MFSD2B: variants seen among roughly 807,000 people sequenced by gnomAD.
The protein encoded by MFSD2B is sphingosine-1-phosphate transporter MFSD2B.
Under a neutral mutation model 58.4 loss-of-function variants are expected in MFSD2B, and 56 were observed. The ratio of observed to expected loss-of-function variants is 0.96; its 90% CI spans 0.77 to 1.20. The LOEUF (loss-of-function observed/expected upper bound fraction) is 1.20, where lower values mean the gene tolerates loss of function less well. Ranked by LOEUF, MFSD2B falls within the 50% of genes most tolerant of loss-of-function variation. MFSD2B has a pLI of 0.00. For missense variants in MFSD2B, 645 were observed against 667.6 expected (o/e 0.97, Z 0.37); for synonymous variants, 287 against 294.4 (o/e 0.97, Z 0.26).
intron 6 of MFSD2B, among the ~76,000 whole-genome samples, chr2:24,019,810 C>T (rs1026732145): frequency 3.3e-5 from 5 of 152,232 alleles, no homozygotes; most frequent in African/African-American, 1.2e-4. Context: ...CAGCCTCCAG[C>T]ACTGGCACCC....
Position 24,023,673 on chromosome 2 carries a change from C to A in MFSD2B, c.1260C>A (p.Phe420Leu). 1 of 1,613,972 alleles carries A rather than the reference C, an allele frequency of 6.2e-7. No individual in the cohort carries two copies. Among genetic ancestry groups the A allele is most frequent in the South Asian group, 1.1e-5 (1 of 91,084 alleles). ...CCATCTTCTACTCCTCCTACGTCTT[C>A]TTCACCAAGCTGTCTGGCGCATGTG... ...LETIFYSSYV[F>L]FTKLSGACAL... Residue 420 changes from phenylalanine to leucine, a missense_variant, in exon 12 of 14, where the codon TTC becomes TTA. By Grantham distance (22) the Phe-to-Leu change is conservative (BLOSUM62 0). Coordinates refer to ENST00000338315, the MANE Select transcript of MFSD2B (RefSeq NM_001346880.2). The surrounding 1 kb of genome is among the most constrained non-coding windows in gnomAD (Gnocchi z 5.0).
Position 24,023,409 on chromosome 2 carries a change from CGGCAGGGGGCT to C in MFSD2B, c.1170-170_1170-160del. 2 of 903,034 alleles carry C rather than the reference CGGCAGGGGGCT, an allele frequency of 2.2e-6. No homozygotes were observed. Among genetic ancestry groups the C allele is most frequent in the South Asian group, 3.2e-5 (2 of 62,644 alleles). 55.9% of individuals were successfully genotyped at this position (903,034 alleles called of 1,614,324 possible). A position where few individuals can be genotyped will look rare whatever the true frequency, so the allele number is the denominator to read the frequency against. On this transcript the variant is annotated intron_variant, in intron 11 of 13. Coordinates refer to ENST00000338315, the MANE Select transcript of MFSD2B (RefSeq NM_001346880.2). This position sits in a 1 kb window ranked among gnomAD's most constrained non-coding sequence, Gnocchi z 5.0. ...TCAGGCAGTAGGAATGGCGGGGGGC[CGGCAGGGGGCT>C]GGCGGGGGGTACGAGCACACAGGCC...
At position 24,025,595 on chromosome 2, in the gene MFSD2B, T is replaced by C. The variant is rs1393009442; in HGVS notation, c.*139T>C. ...CTGGGATGTGGAGTCTTCGGCAACG[T>C]GTCCTGAAGGGACTGGCCCGCACTC... On this transcript the variant is annotated 3_prime_UTR_variant, in exon 14 of 14. Coordinates refer to ENST00000338315, the MANE Select transcript of MFSD2B (RefSeq NM_001346880.2). 13 of 775,232 alleles carry C rather than the reference T, an allele frequency of 1.7e-5. No homozygotes were observed. The highest frequency in any genetic ancestry group is 2.8e-5 in the Non-Finnish European group (13 of 466,202). 48.0% of individuals were successfully genotyped at this position (775,232 alleles called of 1,614,324 possible). A position where few individuals can be genotyped will look rare whatever the true frequency, so the allele number is the denominator to read the frequency against.
chr2:24,016,290 C>A lies in MFSD2B; in HGVS notation c.347+10C>A. On this transcript the variant is annotated intron_variant, in intron 3 of 13. Transcript: ENST00000338315. ...GACGGCTCATGCCTTGGTGAGCAAC[C>A]GCTCAGTCCTTAGGATCCAGGCACC... The A allele has an allele frequency of 6.2e-7, 1 of 1,612,348 alleles. No homozygotes were observed. Among genetic ancestry groups the A allele is most frequent in the South Asian group, 1.1e-5 (1 of 90,736 alleles).
intron 6 of MFSD2B, chr2:24,018,364 C>T: frequency 5.7e-6 from 1 of 175,892 alleles, no homozygotes; most frequent in Middle Eastern, 2.2e-3. Context: ...TCCTTGCCTT[C>T]TGCCACCTCC....
chr2:24,011,608 A>C (rs1708955935), intron 1 of MFSD2B, among the ~76,000 whole-genome samples: 1 of 152,204 alleles, frequency 6.6e-6, no homozygotes, highest in South Asian at 2.1e-4. Flanking sequence ...GCAAACGATG[A>C]GAAAAGAGCC....
At position 24,024,685 on chromosome 2, in the gene MFSD2B, G is replaced by A. The variant is rs1662917026; in HGVS notation, c.1490+414G>A. Among the ~76,000 whole-genome samples the A allele has an allele frequency of 6.6e-6, 1 of 152,052 alleles. No individual in the cohort carries two copies. The highest frequency in any genetic ancestry group is 1.5e-5 in the Non-Finnish European group (1 of 68,006). On this transcript the variant is annotated intron_variant, in intron 13 of 13. Coordinates refer to ENST00000338315, the MANE Select transcript of MFSD2B (RefSeq NM_001346880.2). The surrounding 1 kb of genome is among the most constrained non-coding windows in gnomAD (Gnocchi z 4.3). ...GACATTTCCACCTAGTAGCCCACAA[G>A]CCTGGCACTCAGTCTCGATGAGCCT...
rs1309634005 is a variant in MFSD2B, at chr2:24,017,255, G to A, written c.472-31G>A. 13 of 1,565,140 alleles carry A rather than the reference G, an allele frequency of 8.3e-6. No homozygotes were observed. Among genetic ancestry groups the A allele is most frequent in the African/African-American group, 6.8e-5 (5 of 73,614 alleles). On this transcript the variant is annotated intron_variant, in intron 4 of 13. Transcript: ENST00000338315. The surrounding 1 kb of genome is among the most constrained non-coding windows in gnomAD (Gnocchi z 4.8). ...CGCCCGCTGTCACCAGGCAAAGCTG[G>A]GGGCGGTTCTAAGCTCTGCCGACGC...
In MFSD2B at chr2:24,017,233, C is replaced by T; in HGVS notation, c.472-53C>T. ...TGACACCCAGGATGGGGGAGGTCGC[C>T]CGCTGTCACCAGGCAAAGCTGGGGG... On this transcript the variant is annotated intron_variant, in intron 4 of 13. Coordinates refer to ENST00000338315, the MANE Select transcript of MFSD2B (RefSeq NM_001346880.2). The surrounding 1 kb of genome is among the most constrained non-coding windows in gnomAD (Gnocchi z 4.8). 1 of 1,533,512 alleles carries T rather than the reference C, an allele frequency of 6.5e-7. No individual in the cohort carries two copies. Among genetic ancestry groups the T allele is most frequent in the Non-Finnish European group, 8.8e-7 (1 of 1,133,286 alleles). 95.0% of individuals were successfully genotyped at this position (1,533,512 alleles called of 1,614,324 possible).
rs1662717537 is a variant in MFSD2B, at chr2:24,020,206, G to A, written c.682-1442G>A. On this transcript the variant is annotated intron_variant, in intron 6 of 13. Transcript: ENST00000338315. The surrounding 1 kb of genome is among the most constrained non-coding windows in gnomAD (Gnocchi z 4.1). ...AAGTATCAAGGAGTGGGGAGCAGGA[G>A]GCTGAGAACCCATGCCCAGGGGGCA... Among the ~76,000 whole-genome samples, 1 of 152,206 alleles carries A rather than the reference G, an allele frequency of 6.6e-6. No homozygotes were observed. Among genetic ancestry groups the A allele is most frequent in the Non-Finnish European group, 1.5e-5 (1 of 68,026 alleles).
Position 24,023,076 on chromosome 2 carries a change from G to C in MFSD2B, c.1060-54G>C, listed in dbSNP as rs954330254. ...CGTCAGTCGAGTCGTGTGTGAAGGA[G>C]CAGGCCCCACGAAGAAGCAGGTGGC... On this transcript the variant is annotated intron_variant, in intron 10 of 13. Coordinates refer to ENST00000338315, the MANE Select transcript of MFSD2B (RefSeq NM_001346880.2). This position sits in a 1 kb window ranked among gnomAD's most constrained non-coding sequence, Gnocchi z 5.0. 8.1e-6 allele frequency: 12 copies of C among 1,477,790 alleles called. No homozygotes were observed. In the African/African-American group the frequency reaches 1.4e-4, roughly 17 times the overall value. 91.5% of individuals were successfully genotyped at this position (1,477,790 alleles called of 1,614,324 possible).
rs926232285 is a variant in MFSD2B, at chr2:24,017,193, G to A, written c.472-93G>A. On this transcript the variant is annotated intron_variant, in intron 4 of 13. Coordinates refer to ENST00000338315, the MANE Select transcript of MFSD2B (RefSeq NM_001346880.2). This position sits in a 1 kb window ranked among gnomAD's most constrained non-coding sequence, Gnocchi z 4.8. ...CAGCTGGGATATGTCACGTTGGCCT[G>A]TGGGTGTCGGGATGTGACACCCAGG... 1.4e-5 allele frequency: 19 copies of A among 1,368,772 alleles called. No individual in the cohort carries two copies. In the African/African-American group the frequency reaches 2.7e-4, roughly 20 times the overall value. 84.8% of individuals were successfully genotyped at this position (1,368,772 alleles called of 1,614,324 possible).
Position 24,025,673 on chromosome 2 carries a change from G to T in MFSD2B, c.*217G>T, listed in dbSNP as rs545769344. On this transcript the variant is annotated 3_prime_UTR_variant, in exon 14 of 14. Coordinates refer to ENST00000338315, the MANE Select transcript of MFSD2B (RefSeq NM_001346880.2). The stretch of plus-strand genomic sequence containing the variant: ...GTTGCCTTCAGACTATCTCAGATAG[G>T]CCTGTGCCCCTGACTAGCCCAGTAG... 300 of 566,146 alleles carry T rather than the reference G, an allele frequency of 5.3e-4. 1 individual carries two copies. In the Middle Eastern group the frequency reaches 9.6e-3, roughly 18 times the overall value. The allele number at this position is 566,146 out of a possible 1,614,324, so 35.1% of individuals were successfully genotyped here.
At chr2:24,015,509 G>C (rs773941874) in intron 2 of MFSD2B, among the ~76,000 whole-genome samples, 4 of 152,110 alleles carry the variant, frequency 2.6e-5, no homozygotes, top group Non-Finnish European at 5.9e-5. Flanking sequence ...TAAGATGACA[G>C]TCTGATATGA....
Position 24,023,207 on chromosome 2 carries a change from C to A in MFSD2B, c.1137C>A (p.Gly379=), listed in dbSNP as rs770595175. ...PVAYVVAFVS[G]VSIAVSLLLP... is the part of the protein sequence containing the mutation. ...CATATGTCGTGGCCTTTGTATCTGG[C>A]GTGAGCATTGCTGTGTCCTTGCTGC... Residue 379 remains glycine, a synonymous_variant, in exon 11 of 14, where the codon GGC becomes GGA. Transcript: ENST00000338315. This position sits in a 1 kb window ranked among gnomAD's most constrained non-coding sequence, Gnocchi z 5.0. 2.1e-5 allele frequency: 34 copies of A among 1,613,496 alleles called. No homozygotes were observed. Among genetic ancestry groups the A allele is most frequent in the Non-Finnish European group, 2.7e-5 (32 of 1,179,830 alleles).
In MFSD2B at chr2:24,016,210, G is replaced by C; in HGVS notation, c.277G>C (p.Ala93Pro). 6.2e-7 allele frequency: 1 copy of C among 1,613,994 alleles called. No individual in the cohort carries two copies. The highest frequency in any genetic ancestry group is 1.1e-5 in the South Asian group (1 of 91,084). ...VLFGGKVSGA[A>P]ADPVAGFFIN... ...GTTTGGGGGAAAAGTGTCTGGGGCGGCTGCTGACCCTGTGGCTGGGTTCTT... is the reference window on the plus strand; with the variant it reads ...GTTTGGGGGAAAAGTGTCTGGGGCGCCTGCTGACCCTGTGGCTGGGTTCTT... Residue 93 changes from alanine to proline, a missense_variant, in exon 3 of 14, where the codon GCT becomes CCT. Physicochemically the swap from Ala to Pro is conservative, Grantham distance 27. Transcript: ENST00000338315.
intron 2 of MFSD2B, among the ~76,000 whole-genome samples, chr2:24,015,406 G>T (rs1709105898): frequency 1.3e-5 from 2 of 149,778 alleles, no homozygotes; most frequent in Admixed American, 6.6e-5. Flanking sequence ...GAGCCGAGAT[G>T]GTGCCACTGC....
Position 24,021,255 on chromosome 2 carries a change from C to G in MFSD2B, c.682-393C>G, listed in dbSNP as rs545384922. On this transcript the variant is annotated intron_variant, in intron 6 of 13. Transcript: ENST00000338315. The surrounding 1 kb of genome is among the most constrained non-coding windows in gnomAD (Gnocchi z 5.7). ...TCTCACCGTGCTGTAACCACCTGCT[C>G]CTGGATCTGTCTTCCTCCCCACACT... is the stretch of plus-strand genomic sequence containing the variant. Among the ~76,000 whole-genome samples, 5 of 152,182 alleles carry G rather than the reference C, an allele frequency of 3.3e-5. No homozygotes were observed. The highest frequency in any genetic ancestry group is 1.3e-4 in the Admixed American group (2 of 15,274).
chr2:24,022,590 G>A lies in MFSD2B; in HGVS notation c.978+74G>A. On this transcript the variant is annotated intron_variant, in intron 9 of 13. Coordinates refer to ENST00000338315, the MANE Select transcript of MFSD2B (RefSeq NM_001346880.2). This position sits in a 1 kb window ranked among gnomAD's most constrained non-coding sequence, Gnocchi z 4.5. The stretch of plus-strand genomic sequence containing the variant: ...TGGGGACATGTGTGGTCCTTGATGT[G>A]ACACATATGGCCAGAGTTCTGGTGG... 1 of 1,238,040 alleles carries A rather than the reference G, an allele frequency of 8.1e-7. No individual in the cohort carries two copies. Among genetic ancestry groups the A allele is most frequent in the South Asian group, 1.3e-5 (1 of 75,814 alleles). The allele number at this position is 1,238,040 out of a possible 1,614,324, so 76.7% of individuals were successfully genotyped here.
Sources: allele counts gnomAD v4.1 joint callset (sites outside exome capture counted in the v4.1 genomes callset), GRCh38; gene constraint gnomAD v4.1.1; non-coding constraint Gnocchi (gnomAD v3.1); transcripts MANE v1.5; gene names NCBI Gene and HGNC (gene_info 2026-07-23, HGNC 2026-07-21).